Variants in MARCHF1 observed in about 807,000 individuals in gnomAD.
MARCHF1 encodes the protein membrane associated ring-CH-type finger 1, also known as E3 ubiquitin-protein ligase MARCHF1.
MARCHF1 carries 40 observed loss-of-function variants against 54.2 expected under a neutral mutation model. The observed-to-expected ratio is 0.74, with a 90% CI of 0.57 to 0.96. The LOEUF (loss-of-function observed/expected upper bound fraction) is 0.96. Among genes scored for constraint, MARCHF1 ranks in the 40% least tolerant of loss-of-function variants. The pLI is 0.00. For missense variants in MARCHF1, 586 were observed against 656.5 expected (o/e 0.89, Z 1.17); for synonymous variants, 236 against 236.3 (o/e 1.00, Z 0.01).
chr4:164,147,697 A>G, intron 1 of MARCHF1, among the ~76,000 whole-genome samples: 1 of 138,344 alleles, frequency 7.2e-6, no homozygotes, highest in Admixed American at 7.2e-5. Flanking sequence ...GGGGAGGGAT[A>G]GCATTGGGAG....
chr4:164,126,127 C>T (rs1006086379), intron 1 of MARCHF1, among the ~76,000 whole-genome samples: 5 of 152,206 alleles, frequency 3.3e-5, no homozygotes, highest in Admixed American at 3.3e-4. Flanking sequence ...ATGCTAAGGT[C>T]TGGATGCTTT....
At chr4:164,142,103 GC>G (rs1221772320) in intron 1 of MARCHF1, among the ~76,000 whole-genome samples, 1 of 152,210 alleles carries the variant, frequency 6.6e-6, no homozygotes, top group East Asian at 1.9e-4. Context: ...CGAATACTGT[GC>G]TTTTCCAACG....
chr4:164,168,715 ACCCTTGAGCAAT>A lies in MARCHF1; in HGVS notation c.-322-57065_-322-57054del, dbSNP rs535859505. 2.1e-4 allele frequency among the ~76,000 whole-genome samples: 32 copies of A among 150,902 alleles called. No homozygotes were observed. The East Asian group carries it at 4.8e-3, about 23-fold the overall frequency. On this transcript the variant is annotated intron_variant, in intron 1 of 9. Transcript: ENST00000514618. ...AAACACATAGACACTCCTACAGTTGACCCTTGAGCAATGTGAGGGTTAGGGGTGCCAACCTTA... is the reference window on the plus strand; with the variant it reads ...AAACACATAGACACTCCTACAGTTGAGTGAGGGTTAGGGGTGCCAACCTTA...
chr4:163,833,312 A>C (rs1196092891), intron 4 of MARCHF1, among the ~76,000 whole-genome samples: 1 of 152,130 alleles, frequency 6.6e-6, no homozygotes. Context: ...CATGGGCAAG[A>C]ACTTCATGTC....
intron 2 of MARCHF1, among the ~76,000 whole-genome samples, chr4:164,032,065 G>C (rs953364489): frequency 2.0e-5 from 3 of 152,018 alleles, no homozygotes; most frequent in African/African-American, 7.3e-5. Context: ...TCTTGGGAGG[G>C]GATATGTGTC....
chr4:164,117,674 C>A (rs892334688), intron 1 of MARCHF1, among the ~76,000 whole-genome samples: 4 of 151,930 alleles, frequency 2.6e-5, no homozygotes, highest in African/African-American at 7.3e-5. Flanking sequence ...CCAAGGCAGG[C>A]AGATCACTTG....
chr4:164,081,885 T>C (rs1186135560), intron 2 of MARCHF1, among the ~76,000 whole-genome samples: 1 of 152,186 alleles, frequency 6.6e-6, no homozygotes, highest in African/African-American at 2.4e-5. Context: ...TATTCCACAT[T>C]AGTGCCATTC....
chr4:163,695,286 A>G (rs1375538114), intron 5 of MARCHF1, among the ~76,000 whole-genome samples: 1 of 152,206 alleles, frequency 6.6e-6, no homozygotes, highest in African/African-American at 2.4e-5. Context: ...GAAGATTTAC[A>G]GAAGTAAAAT....
intron 2 of MARCHF1, among the ~76,000 whole-genome samples, chr4:164,094,448 G>T (rs987086346): frequency 6.6e-6 from 1 of 152,074 alleles, no homozygotes; most frequent in African/African-American, 2.4e-5. Flanking sequence ...AGCAAAGTCC[G>T]GAGAGAACAG....
intron 1 of MARCHF1, among the ~76,000 whole-genome samples, chr4:164,363,998 A>T (rs1730802742): frequency 1.3e-5 from 2 of 152,124 alleles, no homozygotes; most frequent in African/African-American, 4.8e-5. Flanking sequence ...TCCTTTTGTA[A>T]CATTAATTTT....
At position 164,096,856 on chromosome 4, in the gene MARCHF1, T is replaced by G. The variant is rs73871761; in HGVS notation, c.-248+14732A>C. 3.7e-3 allele frequency among the ~76,000 whole-genome samples: 556 copies of G among 152,238 alleles called. 3 individuals carry two copies. Among genetic ancestry groups the G allele is most frequent in the Middle Eastern group, 0.01 (3 of 294 alleles). On this transcript the variant is annotated intron_variant, in intron 2 of 9. Coordinates refer to ENST00000514618, the MANE Select transcript of MARCHF1 (RefSeq NM_001394959.1). ...ATCATATAAATTGAAAGAAATTTAT[T>G]TGAAAACATTTAGTGACTGATGCTC...
chr4:163,938,635 C>T (rs750137183), intron 3 of MARCHF1, among the ~76,000 whole-genome samples: 10 of 152,056 alleles, frequency 6.6e-5, no homozygotes, highest in East Asian at 1.9e-4. Context: ...CTGTACTAGT[C>T]GGGTTTCATG....
At chr4:163,929,262 ATTACT>A (rs1216698218) in intron 3 of MARCHF1, among the ~76,000 whole-genome samples, 1 of 151,982 alleles carries the variant, frequency 6.6e-6, no homozygotes, top group Non-Finnish European at 1.5e-5. Context: ...ATTCAAACAA[ATTACT>A]TTACCCTCCT....
intron 9 of MARCHF1, among the ~76,000 whole-genome samples, chr4:163,533,680 A>AATATATATATAT (rs35349951): frequency 1.9e-3 from 281 of 144,114 alleles, no homozygotes; most frequent in African/African-American, 6.6e-3. Flanking sequence ...TTTTATATAT[A>AATATATATATAT]ATATATATAT....
At chr4:164,100,004 T>A (rs145409353) in intron 2 of MARCHF1, among the ~76,000 whole-genome samples, 5 of 152,194 alleles carry the variant, frequency 3.3e-5, no homozygotes, top group Non-Finnish European at 5.9e-5. Flanking sequence ...TGGTAACTGA[T>A]AGTCTCTGTA....
chr4:164,230,427 T>C (rs559028602), intron 1 of MARCHF1, among the ~76,000 whole-genome samples: 1 of 151,676 alleles, frequency 6.6e-6, no homozygotes, highest in African/African-American at 2.4e-5. Flanking sequence ...AATAGTTATA[T>C]ATATTTGAGG....
chr4:163,982,879 C>G (rs1282231252), intron 3 of MARCHF1, among the ~76,000 whole-genome samples: 2 of 152,130 alleles, frequency 1.3e-5, no homozygotes, highest in Non-Finnish European at 2.9e-5. Flanking sequence ...TCCCAAAAAC[C>G]ATTTTAAAGG....
intron 5 of MARCHF1, among the ~76,000 whole-genome samples, chr4:163,640,718 T>A (rs1742522303): frequency 6.6e-6 from 1 of 152,154 alleles, no homozygotes; most frequent in African/African-American, 2.4e-5. Context: ...GCCAACTTCA[T>A]GCCTAAGTGA....
At chr4:163,858,105 G>T (rs1161128393) in intron 3 of MARCHF1, among the ~76,000 whole-genome samples, 8 of 570 alleles carry the variant, frequency 0.014, no homozygotes, top group African/African-American at 0.046. Flanking sequence ...GGGGGGTGGG[G>T]GGGGGGGGGC....
Sources: allele counts gnomAD v4.1 joint callset (sites outside exome capture counted in the v4.1 genomes callset), GRCh38; gene constraint gnomAD v4.1.1; transcripts MANE v1.5; gene names NCBI Gene and HGNC (gene_info 2026-07-23, HGNC 2026-07-21).